Variants in SNTG1 observed in about 807,000 individuals in gnomAD.
SNTG1 encodes the protein gamma-1-syntrophin.
A neutral mutation model predicts 74.7 loss-of-function variants in SNTG1; 39 were observed. That is an observed-to-expected ratio of 0.52 (90% CI 0.40 to 0.68). The LOEUF is 0.68. Among genes scored for constraint, SNTG1 ranks in the 30% least tolerant of loss-of-function variants. The pLI is 0.00. For synonymous variants in SNTG1, 254 were observed against 217.1 expected, an observed-to-expected ratio of 1.17 and a Z score of -1.49; for missense variants, 685 against 609.5, an observed-to-expected ratio of 1.12 and a Z score of -1.30.
intron 5 of SNTG1, among the ~76,000 whole-genome samples, chr8:50,444,751 GA>G (rs35569528): frequency 0.14 from 3,694 of 26,018 alleles, 167 homozygotes; most frequent in African/African-American, 0.28. Context: ...CTCCATCTCA[GA>G]AAAAAAAAAA....
chr8:50,352,686 G>T (rs1444278028), intron 2 of SNTG1, among the ~76,000 whole-genome samples: 1 of 152,090 alleles, frequency 6.6e-6, no homozygotes, highest in Non-Finnish European at 1.5e-5. Context: ...CCAGGCTTTT[G>T]GTCCTTTCTG....
At chr8:50,226,805 C>T (rs2085351899) in intron 2 of SNTG1, among the ~76,000 whole-genome samples, 1 of 152,042 alleles carries the variant, frequency 6.6e-6, no homozygotes, top group African/African-American at 2.4e-5. Flanking sequence ...GTAGTCAGGC[C>T]CTCCTGAGTG....
intron 9 of SNTG1, among the ~76,000 whole-genome samples, chr8:50,514,820 G>A (rs971713646): frequency 6.6e-6 from 1 of 152,034 alleles, no homozygotes; most frequent in Non-Finnish European, 1.5e-5. Flanking sequence ...TAGCAGTTGA[G>A]GACTTAAATG....
chr8:50,498,472 G>A (rs868325607), intron 8 of SNTG1, among the ~76,000 whole-genome samples: 19 of 151,686 alleles, frequency 1.3e-4, no homozygotes, highest in African/African-American at 4.6e-4. Context: ...ATTGAGTTTT[G>A]AGTGTTCTGA....
At chr8:50,438,691 A>G in intron 5 of SNTG1, 92 bp downstream of exon 5, 1 of 1,067,674 alleles carries the variant, frequency 9.4e-7, no homozygotes, top group Non-Finnish European at 1.4e-6. Context: ...ATAATTAGAC[A>G]AGGATGGCTA....
At chr8:50,112,121 T>C (rs1283640613) in intron 1 of SNTG1, among the ~76,000 whole-genome samples, 3 of 151,996 alleles carry the variant, frequency 2.0e-5, no homozygotes, top group East Asian at 1.9e-4. Flanking sequence ...TCCAAAGAAT[T>C]TGAGATGACA....
At chr8:50,571,536 A>G (rs1314900346) in intron 12 of SNTG1, among the ~76,000 whole-genome samples, 7 of 152,226 alleles carry the variant, frequency 4.6e-5, no homozygotes, top group Non-Finnish European at 2.9e-5. Flanking sequence ...AGCTGAGGCC[A>G]GTTCAGGGAT....
intron 2 of SNTG1, among the ~76,000 whole-genome samples, chr8:50,274,297 G>A (rs1463215546): frequency 1.3e-5 from 2 of 151,954 alleles, no homozygotes; most frequent in Non-Finnish European, 1.5e-5. Context: ...ATGTTGGCCA[G>A]GCTGGTCTCA....
intron 1 of SNTG1, among the ~76,000 whole-genome samples, chr8:50,134,985 T>C (rs886832826): frequency 6.6e-6 from 1 of 152,100 alleles, no homozygotes; most frequent in Non-Finnish European, 1.5e-5. Flanking sequence ...CTGGATTGGG[T>C]TGTTTTCTGT....
intron 13 of SNTG1, among the ~76,000 whole-genome samples, chr8:50,648,785 G>C (rs985654716): frequency 1.3e-5 from 2 of 152,080 alleles, no homozygotes; most frequent in African/African-American, 2.4e-5. Flanking sequence ...ATGTCAAAGA[G>C]AGTCTATTGT....
At chr8:50,466,833 T>C (rs557415529) in intron 8 of SNTG1, among the ~76,000 whole-genome samples, 1 of 152,150 alleles carries the variant, frequency 6.6e-6, no homozygotes, top group Non-Finnish European at 1.5e-5. Flanking sequence ...AAATTGTTTA[T>C]TGTTGGTAAG....
chr8:50,555,038 A>G (rs1188232325), intron 12 of SNTG1, among the ~76,000 whole-genome samples: 1 of 152,156 alleles, frequency 6.6e-6, no homozygotes, highest in Non-Finnish European at 1.5e-5. Context: ...CAAGCATTTG[A>G]AAAGTCAATG....
chr8:50,390,957 C>T (rs1383813729), intron 2 of SNTG1, among the ~76,000 whole-genome samples: 1 of 151,058 alleles, frequency 6.6e-6, no homozygotes, highest in Admixed American at 6.6e-5. Context: ...TTATCAGCTT[C>T]AGGAGATTTT....
intron 9 of SNTG1, among the ~76,000 whole-genome samples, chr8:50,514,026 T>C (rs1310696268): frequency 6.6e-6 from 1 of 152,240 alleles, no homozygotes; most frequent in Non-Finnish European, 1.5e-5. Context: ...AGCTGTAGAC[T>C]GGAGCTGTTC....
At chr8:50,754,836 A>G (rs2095576281) in intron 18 of SNTG1, among the ~76,000 whole-genome samples, 1 of 151,910 alleles carries the variant, frequency 6.6e-6, no homozygotes, top group African/African-American at 2.4e-5. Context: ...CTGCATCCCC[A>G]AAATTCTGAC....
chr8:50,736,044 T>C (rs945703250), intron 17 of SNTG1, among the ~76,000 whole-genome samples: 3 of 151,806 alleles, frequency 2.0e-5, no homozygotes, highest in African/African-American at 7.3e-5. Context: ...AAAGGAGAAA[T>C]AAAATCTTTT....
At chr8:50,256,053 G>T (rs1234318553) in intron 2 of SNTG1, among the ~76,000 whole-genome samples, 1 of 152,164 alleles carries the variant, frequency 6.6e-6, no homozygotes, top group Non-Finnish European at 1.5e-5. Flanking sequence ...AAAGCATGTT[G>T]TCTGCTTTCT....
intron 8 of SNTG1, among the ~76,000 whole-genome samples, chr8:50,494,131 A>T (rs2093883040): frequency 1.3e-5 from 2 of 151,722 alleles, no homozygotes; most frequent in Admixed American, 1.3e-4. Flanking sequence ...ACACACACAC[A>T]CACACACACA....
chr8:50,761,051 C>T (rs1335588515), intron 18 of SNTG1, among the ~76,000 whole-genome samples: 1 of 151,926 alleles, frequency 6.6e-6, no homozygotes, highest in Non-Finnish European at 1.5e-5. Context: ...GATACCAAAA[C>T]CTGGCAGAAA....
Sources: allele counts gnomAD v4.1 joint callset (sites outside exome capture counted in the v4.1 genomes callset), GRCh38; gene constraint gnomAD v4.1.1; transcripts MANE v1.5; gene names NCBI Gene and HGNC (gene_info 2026-07-23, HGNC 2026-07-21).